Variants in ASPRV1 observed in about 807,000 individuals in gnomAD.
The protein encoded by ASPRV1 is retroviral-like aspartic protease 1.
In ASPRV1, 7 loss-of-function variants were observed where a neutral mutation model predicts 11.0. The observed-to-expected ratio is 0.64, with a 90% CI of 0.36 to 1.20. The LOEUF (loss-of-function observed/expected upper bound fraction) is 1.20, where lower values mean the gene tolerates loss of function less well. ASPRV1 is among the 50% of genes most tolerant of loss of function. The probability of loss-of-function intolerance (pLI) is 0.02; values close to 1 mark genes in which losing one functional copy is unlikely to be tolerated. For missense variants in ASPRV1, 299 were observed against 320.0 expected (o/e 0.93, Z 0.50); for synonymous variants, 136 against 138.4 (o/e 0.98, Z 0.12).
At chr2:70,057,947 C>A in the ASPRV1 span, among the ~76,000 whole-genome samples, 10 of 151,840 alleles carry the variant, frequency 6.6e-5, no homozygotes, top group Non-Finnish European at 1.5e-4. Context: ...GCGCATGCCA[C>A]CATGCCCAGC....
At chr2:70,039,127 T>C in the ASPRV1 span, among the ~76,000 whole-genome samples, 1 of 149,448 alleles carries the variant, frequency 6.7e-6, no homozygotes, top group African/African-American at 2.5e-5. Context: ...ATATGAATAA[T>C]GACAAATCCC....
At chr2:70,038,535 A>T in the ASPRV1 span, among the ~76,000 whole-genome samples, 2 of 152,176 alleles carry the variant, frequency 1.3e-5, no homozygotes, top group African/African-American at 4.8e-5. Flanking sequence ...AGCTATGACC[A>T]CATCATAGCA....
At chr2:69,954,705 T>A in the ASPRV1 span, among the ~76,000 whole-genome samples, 1 of 152,182 alleles carries the variant, frequency 6.6e-6, no homozygotes, top group Non-Finnish European at 1.5e-5. Context: ...CATTCATTCA[T>A]CTTTAAAGAC....
At chr2:69,990,679 T>G in the ASPRV1 span, among the ~76,000 whole-genome samples, 6 of 152,094 alleles carry the variant, frequency 3.9e-5, no homozygotes, top group Non-Finnish European at 8.8e-5. Flanking sequence ...GGTCTCTAAG[T>G]CCTGGACTCA....
the ASPRV1 span, chr2:70,015,620 G>A: frequency 6.6e-6 from 1 of 152,134 alleles, no homozygotes; most frequent in Non-Finnish European, 1.5e-5. Context: ...AGATACATAA[G>A]GCAAATATCA....
the ASPRV1 span, among the ~76,000 whole-genome samples, chr2:70,077,870 A>G: frequency 1.3e-5 from 2 of 149,202 alleles, no homozygotes; most frequent in African/African-American, 5.0e-5. Flanking sequence ...AAAATAAAAT[A>G]AAAATTAAAT....
At chr2:69,942,516 C>T in the ASPRV1 span, 1 of 152,084 alleles carries the variant, frequency 6.6e-6, no homozygotes, top group Non-Finnish European at 1.5e-5. Context: ...ATAAGGCACC[C>T]AATGTTAAGA....
Position 69,961,615 on chromosome 2 carries a change from G to A in ASPRV1, c.-179C>T. 4.3e-6 allele frequency: 7 copies of A among 1,609,554 alleles called. No individual in the cohort carries two copies. Among genetic ancestry groups the A allele is most frequent in the African/African-American group, 1.3e-5 (1 of 75,012 alleles). ...GGTCGGCTGGCTGACTGCTGGGGCA[G>A]AGGCAGGCAGTGCTGTGGCCTGTTC... is the stretch of plus-strand genomic sequence containing the variant. On this transcript the variant is annotated 5_prime_UTR_variant, in exon 1 of 1. Transcript: ENST00000320256.
the ASPRV1 span, among the ~76,000 whole-genome samples, chr2:70,007,337 G>C: frequency 1.5e-4 from 23 of 152,112 alleles, no homozygotes; most frequent in African/African-American, 5.5e-4. Flanking sequence ...AACCAACATG[G>C]AGAAACTCCG....
the ASPRV1 span, among the ~76,000 whole-genome samples, chr2:70,078,132 G>A: frequency 6.6e-6 from 1 of 152,196 alleles, no homozygotes; most frequent in Non-Finnish European, 1.5e-5. Context: ...ACTCCAGCCT[G>A]GGCGACAGAG....
chr2:69,989,135 G>A, the ASPRV1 span, among the ~76,000 whole-genome samples: 5,096 of 152,250 alleles, frequency 0.033, 103 homozygotes, highest in Middle Eastern at 0.061. Context: ...TCACAGCCCC[G>A]CCACACTTCT....
At chr2:70,017,714 C>T in the ASPRV1 span, among the ~76,000 whole-genome samples, 2 of 152,160 alleles carry the variant, frequency 1.3e-5, no homozygotes, top group East Asian at 1.9e-4. Context: ...CATGCATTTG[C>T]TTGTCTGTTA....
the ASPRV1 span, among the ~76,000 whole-genome samples, chr2:69,978,860 G>A: frequency 6.6e-6 from 1 of 152,176 alleles, no homozygotes; most frequent in South Asian, 2.1e-4. Context: ...CACACGGCAG[G>A]TCTGTGCCAT....
chr2:70,065,726 G>A, the ASPRV1 span, among the ~76,000 whole-genome samples: 1 of 148,102 alleles, frequency 6.8e-6, no homozygotes, highest in African/African-American at 2.5e-5. Flanking sequence ...TGGGGAGGCT[G>A]AGGCAGGAAG....
chr2:69,940,040 G>A, the ASPRV1 span: 2 of 140,890 alleles, frequency 1.4e-5, no homozygotes, highest in African/African-American at 5.3e-5. Flanking sequence ...TGGAAGTAGT[G>A]GATTCCTAAA....
At chr2:70,037,877 A>G in the ASPRV1 span, among the ~76,000 whole-genome samples, 3 of 152,122 alleles carry the variant, frequency 2.0e-5, no homozygotes, top group African/African-American at 4.8e-5. Flanking sequence ...TAATTTTGTT[A>G]TATGGTGACA....
chr2:69,963,373 C>T (rs1419884753), upstream of ASPRV1: 6 of 456,550 alleles, frequency 1.3e-5, no homozygotes, highest in Non-Finnish European at 2.6e-5. Flanking sequence ...ACCAGGAAGC[C>T]CTTTCTGCAG....
the ASPRV1 span, chr2:69,996,918 T>C: frequency 6.4e-6 from 2 of 311,904 alleles, no homozygotes; most frequent in South Asian, 5.1e-5. Flanking sequence ...CCCAAAGTTA[T>C]TATTCATCTT....
chr2:70,043,690 T>C, the ASPRV1 span, among the ~76,000 whole-genome samples: 1 of 152,254 alleles, frequency 6.6e-6, no homozygotes, highest in Admixed American at 6.5e-5. Context: ...GGTGGCCTCT[T>C]TTGCGCCACC....
Sources: gnomAD v4.1 joint callset for allele counts (sites outside exome capture counted in the v4.1 genomes callset) on GRCh38, gnomAD v4.1.1 for gene constraint, MANE v1.5 for transcripts, NCBI Gene and HGNC (gene_info 2026-07-23, HGNC 2026-07-21) for gene names.